Variants in HPS4 observed in about 807,000 individuals in gnomAD.
HPS4 encodes BLOC-3 complex member HPS4.
HPS4 carries 44 observed loss-of-function variants against 70.3 expected under a neutral mutation model. The observed-to-expected ratio is 0.63, with a 90% CI of 0.49 to 0.80. HPS4 has a LOEUF of 0.80. HPS4 is among the 30% of genes least tolerant of loss of function. The probability of loss-of-function intolerance (pLI) is 0.00; values close to 1 mark genes in which losing one functional copy is unlikely to be tolerated. For synonymous variants in HPS4, 377 were observed against 355.9 expected (o/e 1.06, Z -0.67); for missense variants, 873 against 884.4 (o/e 0.99, Z 0.16).
At chr22:26,470,909 G>C (rs1302270299) in intron 6 of HPS4, 96 bp from the exon 7 acceptor site, 1 of 1,567,206 alleles carries the variant, frequency 6.4e-7, no homozygotes, top group Non-Finnish European at 8.7e-7. Context: ...GCTGGACAGG[G>C]TGTAGCTCAA....
At chr22:26,458,744 C>A (rs1485550130) in intron 11 of HPS4, among the ~76,000 whole-genome samples, 167 bp from the exon 12 acceptor site, 2 of 151,594 alleles carry the variant, frequency 1.3e-5, no homozygotes, top group Non-Finnish European at 2.9e-5. Context: ...ATCACTTAAG[C>A]CAGGAGTTTA....
chr22:26,443,790 G>A (rs1414624948), downstream of HPS4: 2 of 152,406 alleles, frequency 1.3e-5, no homozygotes, highest in Non-Finnish European at 2.9e-5. Flanking sequence ...ACACAGTCAG[G>A]GTGGCACACA....
rs138885334 is a variant in HPS4, at chr22:26,472,896, C to T, written c.320G>A (p.Arg107Gln). ...GAATCCAACTAGCTGATCCAGAAAC[C>T]GCTTGCAGCTGACATCAGGGAGCTC... The part of the protein sequence containing the change: ...AVELPDVSCK[R>Q]FLDQLVGFFN... Residue 107 changes from arginine to glutamine, a missense_variant, in exon 5 of 14, where the codon CGG (arginine) becomes CAG (glutamine). Arg to Gln is a conservative substitution (Grantham distance 43). Coordinates refer to ENST00000398145, the MANE Select transcript of HPS4 (RefSeq NM_022081.6). 3.4e-5 allele frequency: 55 copies of T among 1,614,194 alleles called. 1 individual carries two copies. In the South Asian group the frequency reaches 3.5e-4, roughly 10 times the overall value.
chr22:26,443,983 G>A (rs766888412), downstream of HPS4: 2 of 152,228 alleles, frequency 1.3e-5, no homozygotes, highest in Non-Finnish European at 1.5e-5. Context: ...GCCACGGAAC[G>A]TGTGATCCGC....
Position 26,472,389 on chromosome 22 carries a change from C to T in HPS4, c.414G>A (p.Glu138=). 1 of 1,612,786 alleles carries T rather than the reference C, an allele frequency of 6.2e-7. No homozygotes were observed. ...ENCSQEELST[E]WDTFIEQILK... is the part of the protein sequence containing the mutation. ...GAATTTGCTCGATGAAGGTGTCCCA[C>T]TCCGTGCTCAGTTCTTCCTGAGAAC... Residue 138 remains glutamate (E), a synonymous_variant, in exon 6 of 14, where the codon GAG becomes GAA. Coordinates refer to ENST00000398145, the MANE Select transcript of HPS4 (RefSeq NM_022081.6).
In HPS4 at chr22:26,464,645, A is replaced by T; in HGVS notation, c.985T>A (p.Ser329Thr). ...PDGRKENGCL[S>T]GHDLESIRPA... ...CTGATGCTCTCCAGATCATGGCCAGACAAGCATCCGTTCTCCTTCCTGCCA... is the reference window on the plus strand; with the variant it reads ...CTGATGCTCTCCAGATCATGGCCAGTCAAGCATCCGTTCTCCTTCCTGCCA... Residue 329 changes from serine (S) to threonine (T), a missense_variant, in exon 11 of 14, where the codon TCT becomes ACT. By Grantham distance (58) the Ser-to-Thr change is moderately conservative. Coordinates refer to ENST00000398145, the MANE Select transcript of HPS4 (RefSeq NM_022081.6). The T allele has an allele frequency of 6.2e-7, 1 of 1,613,502 alleles. No homozygotes were observed. Among genetic ancestry groups the T allele is most frequent in the African/African-American group, 1.3e-5 (1 of 75,054 alleles).
At chr22:26,466,400 C>T in intron 8 of HPS4, 138 bp from the exon 9 acceptor site, 1 of 919,928 alleles carries the variant, frequency 1.1e-6, no homozygotes, top group Non-Finnish European at 1.7e-6. Flanking sequence ...TGCTAAGAGC[C>T]AAGCAGATGG....
chr22:26,458,509 C>A lies in HPS4; in HGVS notation c.1782G>T (p.Glu594Asp). 6.2e-7 allele frequency: 1 copy of A among 1,614,154 alleles called. No individual in the cohort carries two copies. Among genetic ancestry groups the A allele is most frequent in the African/African-American group, 1.3e-5 (1 of 75,044 alleles). ...VHLKETLPRD[E>D]AASTSSTYNF... ...TGTAGGTGCTGCTCGTGGAGGCTGC[C>A]TCATCCCTGGGCAGCGTCTCTTTCA... Residue 594 changes from glutamate (E) to aspartate (D), a missense_variant, in exon 12 of 14, where the codon GAG becomes GAT. Physicochemically the swap from Glu to Asp is conservative, Grantham distance 45. Transcript: ENST00000398145.
chr22:26,479,646 G>A (rs2091057033), intron 2 of HPS4: 1 of 1,276,090 alleles, frequency 7.8e-7, no homozygotes, highest in Non-Finnish European at 9.9e-7. Flanking sequence ...GCTCTTATTT[G>A]AAACACTGAA....
At chr22:26,449,054 G>A (rs903631489), downstream of HPS4, among the ~76,000 whole-genome samples, 5 of 152,102 alleles carry the variant, frequency 3.3e-5, no homozygotes, top group African/African-American at 1.2e-4. Flanking sequence ...TATTAGTGTG[G>A]GTTTCCTGCT....
chr22:26,482,451 T>C (rs2091382347), intron 1 of HPS4, among the ~76,000 whole-genome samples: 1 of 152,118 alleles, frequency 6.6e-6, no homozygotes, highest in East Asian at 1.9e-4. Context: ...TCACGGAAGA[T>C]AAAATCAAAT....
chr22:26,464,333 T>A lies in HPS4; in HGVS notation c.1297A>T (p.Met433Leu), dbSNP rs2146549462. ...TCTTGGGCTCCATGCTGGGTCAGCA[T>A]CTCAGGAGCAGAGGGAGGGCGCAAG... is the stretch of plus-strand genomic sequence containing the variant. ...SSLRPPSAPEMLTQHGAQEQL... is the reference protein window; with the variant it reads ...SSLRPPSAPELLTQHGAQEQL... Residue 433 changes from methionine (M) to leucine (L), a missense_variant, in exon 11 of 14, where the codon ATG (methionine) becomes TTG (leucine). Transcript: ENST00000398145. The A allele has an allele frequency of 2.5e-6, 4 of 1,614,084 alleles. No individual in the cohort carries two copies. Among genetic ancestry groups the A allele is most frequent in the Middle Eastern group, 1.6e-4 (1 of 6,062 alleles).
chr22:26,458,696 C>G, intron 11 of HPS4, 119 bp from the exon 12 acceptor site: 2 of 1,201,152 alleles, frequency 1.7e-6, no homozygotes, highest in South Asian at 1.4e-5. Flanking sequence ...GTGGCTCACA[C>G]CTGTAATCCC....
intron 4 of HPS4, chr22:26,475,527 T>C (rs2090429552): frequency 6.6e-6 from 1 of 151,928 alleles, no homozygotes; most frequent in African/African-American, 2.4e-5. Context: ...TAATTTTGTA[T>C]TTTTAGTACA....
At chr22:26,476,507 C>T (rs550387518) in intron 4 of HPS4, 9 of 165,490 alleles carry the variant, frequency 5.4e-5, no homozygotes, top group African/African-American at 1.2e-4. Flanking sequence ...CCACCACACC[C>T]GGTTAATTTT....
downstream of HPS4, among the ~76,000 whole-genome samples, chr22:26,450,688 G>T (rs2085120386): frequency 6.6e-6 from 1 of 152,184 alleles, no homozygotes; most frequent in Non-Finnish European, 1.5e-5. Flanking sequence ...TATGGGTGTG[G>T]TTACTTCCAT....
rs148662419 is a variant in HPS4 at position 26,464,420 on chromosome 22, C to T, written c.1210G>A (p.Ala404Thr). The change falls in exon 11 of 14, where the codon GCA (alanine) becomes ACA (threonine). Residue 404 changes from alanine (A) to threonine (T), a missense_variant. Physicochemically the swap from Ala to Thr is moderately conservative, Grantham distance 58. Transcript: ENST00000398145. ...AGGCTGCTGGAGGCGCTGAGAGATGCCTTGCAGTAAGGAGCCCTGCCATCT... is the reference window on the plus strand; with the variant it reads ...AGGCTGCTGGAGGCGCTGAGAGATGTCTTGCAGTAAGGAGCCCTGCCATCT... ...VPDGRAPYCK[A>T]SLSASSSLEP... 4 of 1,614,052 alleles carry T rather than the reference C, an allele frequency of 2.5e-6. No homozygotes were observed. Among genetic ancestry groups the T allele is most frequent in the African/African-American group, 1.3e-5 (1 of 74,920 alleles).
intron 8 of HPS4, chr22:26,468,298 C>T (rs1450380638): frequency 3.7e-6 from 2 of 540,640 alleles, no homozygotes; most frequent in South Asian, 2.1e-5. Context: ...TATGGGAAGT[C>T]GAATTCAACC....
rs935734352 is a variant in HPS4, at chr22:26,479,130, A to C, written c.132+135T>G. 5 of 854,636 alleles carry C rather than the reference A, an allele frequency of 5.9e-6. No individual in the cohort carries two copies. The African/African-American group carries it at 6.8e-5, about 12-fold the overall frequency. 52.9% of individuals were successfully genotyped at this position (854,636 alleles called of 1,614,324 possible). Reference sequence around the variant, plus strand: ...AGACCAGAACAACAAGAAATAGTACAACTAAGAATAAGACAGTAGAAATGT... The same window carrying C: ...AGACCAGAACAACAAGAAATAGTACCACTAAGAATAAGACAGTAGAAATGT... On this transcript the variant is annotated intron_variant, in intron 3 of 13. Transcript: ENST00000398145.
Sources: gnomAD v4.1 joint callset for allele counts (sites outside exome capture counted in the v4.1 genomes callset) on GRCh38, gnomAD v4.1.1 for gene constraint, MANE v1.5 for transcripts, NCBI Gene and HGNC (gene_info 2026-07-23, HGNC 2026-07-21) for gene names.